Variants in AUTS2 observed in about 807,000 individuals in gnomAD.
AUTS2 encodes autism susceptibility gene 2 protein.
Under a neutral mutation model 112.4 loss-of-function variants are expected in AUTS2, and 17 were observed. The observed-to-expected ratio is 0.15, with a 90% CI of 0.10 to 0.23. AUTS2 has a LOEUF of 0.23. Among genes scored for constraint, AUTS2 ranks in the 10% least tolerant of loss-of-function variants. The pLI, the probability that AUTS2 is intolerant of heterozygous loss-of-function variation, is 1.00. For missense variants in AUTS2, 1,510 were observed against 1,701.6 expected (o/e 0.89, Z 1.98); for synonymous variants, 751 against 702.7 (o/e 1.07, Z -1.09).
At chr7:69,805,083 A>G (rs1034181600) in intron 1 of AUTS2, among the ~76,000 whole-genome samples, 24 of 152,220 alleles carry the variant, frequency 1.6e-4, no homozygotes, top group African/African-American at 5.8e-4. Context: ...TGTCAGATGC[A>G]GAGTGCTGAT....
chr7:70,251,234 T>C (rs746010435), intron 4 of AUTS2, among the ~76,000 whole-genome samples: 4 of 151,984 alleles, frequency 2.6e-5, no homozygotes, highest in Non-Finnish European at 5.9e-5. Flanking sequence ...ACAGCTAATT[T>C]TTTGTATTTT....
intron 2 of AUTS2, among the ~76,000 whole-genome samples, chr7:69,951,228 C>G (rs971993990): frequency 1.3e-5 from 2 of 151,982 alleles, no homozygotes; most frequent in African/African-American, 4.8e-5. Context: ...TAAGTTGTTT[C>G]AGCTAATTAT....
At chr7:70,514,402 G>A (rs964515224) in intron 5 of AUTS2, among the ~76,000 whole-genome samples, 42 of 152,210 alleles carry the variant, frequency 2.8e-4, no homozygotes, top group Admixed American at 2.2e-3. Flanking sequence ...CATATGCTTG[G>A]CTTCTGGTGA....
In AUTS2 at chr7:70,195,610, C is replaced by T. The variant is rs151308098; in HGVS notation, c.660+61039C>T. On this transcript the variant is annotated intron_variant, in intron 4 of 18. Transcript: ENST00000342771. ...AGGTTGCAGTGACCCGAGATTGTGCCGCTGCACTCCAGCCTGCACGACACA... is the reference window on the plus strand; with the variant it reads ...AGGTTGCAGTGACCCGAGATTGTGCTGCTGCACTCCAGCCTGCACGACACA... Among the ~76,000 whole-genome samples, 12 of 152,222 alleles carry T rather than the reference C, an allele frequency of 7.9e-5. No homozygotes were observed. The South Asian group carries it at 1.9e-3, about 24-fold the overall frequency.
At chr7:70,628,085 A>G (rs1805045156) in intron 5 of AUTS2, among the ~76,000 whole-genome samples, 2 of 152,172 alleles carry the variant, frequency 1.3e-5, no homozygotes, top group African/African-American at 4.8e-5. Flanking sequence ...ATTTCTATAA[A>G]TAGAAATTGT....
chr7:70,494,984 G>A (rs965601375), intron 5 of AUTS2, among the ~76,000 whole-genome samples: 2 of 151,972 alleles, frequency 1.3e-5, no homozygotes, highest in Non-Finnish European at 2.9e-5. Flanking sequence ...TTTTAAAGGA[G>A]GTTTCTACTG....
At chr7:69,992,180 T>A (rs1311873335) in intron 2 of AUTS2, among the ~76,000 whole-genome samples, 1 of 152,218 alleles carries the variant, frequency 6.6e-6, no homozygotes, top group African/African-American at 2.4e-5. Flanking sequence ...CATTGGACTC[T>A]TAGCCTAGGA....
chr7:70,709,523 C>T, intron 6 of AUTS2, among the ~76,000 whole-genome samples: 2 of 152,030 alleles, frequency 1.3e-5, no homozygotes, highest in Non-Finnish European at 2.9e-5. Flanking sequence ...CCAGCCTGGC[C>T]AACATGGCGA....
chr7:69,624,463 A>G lies in AUTS2; in HGVS notation c.309+24501A>G, dbSNP rs191817574. 3.6e-3 allele frequency among the ~76,000 whole-genome samples: 541 copies of G among 152,310 alleles called. 2 individuals carry two copies. The highest frequency in any genetic ancestry group is 0.012 in the African/African-American group (515 of 41,566). ...CTTTTTTCCACTGAAGAATCATTCA[A>G]TTCTTAGTGAGAGAAGGTCTAGCTG... On this transcript the variant is annotated intron_variant, in intron 1 of 18. Coordinates refer to ENST00000342771, the MANE Select transcript of AUTS2 (RefSeq NM_015570.4).
At chr7:70,107,190 G>C (rs571931757) in intron 2 of AUTS2, among the ~76,000 whole-genome samples, 2 of 152,130 alleles carry the variant, frequency 1.3e-5, no homozygotes, top group South Asian at 2.1e-4. Flanking sequence ...TATGATCACT[G>C]TTTCAAGAAC....
chr7:70,609,959 T>TTTGTTATTGTTG (rs751265981), intron 5 of AUTS2, among the ~76,000 whole-genome samples: 21 of 122,872 alleles, frequency 1.7e-4, no homozygotes, highest in African/African-American at 6.2e-4. Flanking sequence ...AGTTCTGTTT[T>TTTGTTATTGTTG]TTGTTGTTGT....
intron 5 of AUTS2, among the ~76,000 whole-genome samples, chr7:70,473,926 G>C (rs961703965): frequency 6.6e-6 from 1 of 152,076 alleles, no homozygotes; most frequent in Non-Finnish European, 1.5e-5. Flanking sequence ...AAATCTGCTA[G>C]CTCACCAGAT....
chr7:70,138,228 C>G (rs991946792), intron 4 of AUTS2, among the ~76,000 whole-genome samples: 3 of 152,028 alleles, frequency 2.0e-5, no homozygotes, highest in African/African-American at 7.2e-5. Flanking sequence ...TCCTTTCTGA[C>G]AAGAAAAAGA....
At chr7:70,213,336 G>A (rs1036711686) in intron 4 of AUTS2, among the ~76,000 whole-genome samples, 1 of 149,842 alleles carries the variant, frequency 6.7e-6, no homozygotes, top group Non-Finnish European at 1.5e-5. Context: ...AGACCAGCCT[G>A]GTTAACGATA....
At chr7:69,911,433 A>C (rs1562964017) in intron 2 of AUTS2, among the ~76,000 whole-genome samples, 1 of 152,128 alleles carries the variant, frequency 6.6e-6, no homozygotes, top group Non-Finnish European at 1.5e-5. Context: ...CAGGGGGGAA[A>C]GTGTGTTTCA....
chr7:69,614,319 T>TCTTTCTTTCTTC (rs1793209630), intron 1 of AUTS2, among the ~76,000 whole-genome samples: 2 of 51,396 alleles, frequency 3.9e-5, no homozygotes, highest in Non-Finnish European at 8.6e-5. Flanking sequence ...TCCGTCTCTT[T>TCTTTCTTTCTTC]CTTTCTTTCT....
intron 5 of AUTS2, among the ~76,000 whole-genome samples, chr7:70,633,610 C>CAA (rs71870928): frequency 0.43 from 44,571 of 104,562 alleles, 9,428 homozygotes; most frequent in East Asian, 0.68. Flanking sequence ...GACTCCGTCT[C>CAA]AAAAAAAAAA....
chr7:70,400,802 T>C (rs907248231), intron 4 of AUTS2, among the ~76,000 whole-genome samples: 1 of 152,288 alleles, frequency 6.6e-6, no homozygotes, highest in African/African-American at 2.4e-5. Context: ...ACATATACCT[T>C]GGGCCCCACC....
intron 6 of AUTS2, among the ~76,000 whole-genome samples, chr7:70,731,346 G>A (rs13234828): frequency 0.23 from 33,688 of 147,822 alleles, 4,662 homozygotes; most frequent in East Asian, 0.58. Context: ...TTTTATTTGG[G>A]AATAATTTTA....
Sources: allele counts gnomAD v4.1 joint callset (sites outside exome capture counted in the v4.1 genomes callset), GRCh38; gene constraint gnomAD v4.1.1; transcripts MANE v1.5; gene names NCBI Gene and HGNC (gene_info 2026-07-23, HGNC 2026-07-21).